The following SLC22A15 variants were observed in gnomAD, a reference collection of about 807,000 sequenced individuals.
SLC22A15 encodes the protein solute carrier family 22 member 15.
A neutral mutation model predicts 62.7 loss-of-function variants in SLC22A15; 45 were observed. That is an observed-to-expected ratio of 0.72 (90% CI 0.56 to 0.92). The LOEUF (loss-of-function observed/expected upper bound fraction) is 0.92, where lower values mean the gene tolerates loss of function less well. SLC22A15 is among the 40% of genes least tolerant of loss of function. The probability of loss-of-function intolerance (pLI) is 0.00; values close to 1 mark genes in which losing one functional copy is unlikely to be tolerated. For missense variants in SLC22A15, 622 were observed against 665.6 expected, an observed-to-expected ratio of 0.93 and a Z score of 0.72; for synonymous variants, 264 against 267.0, an observed-to-expected ratio of 0.99 and a Z score of 0.11.
chr1:115,997,261 T>C (rs1655475851), intron 2 of SLC22A15, among the ~76,000 whole-genome samples: 1 of 152,146 alleles, frequency 6.6e-6, no homozygotes, highest in Non-Finnish European at 1.5e-5. Flanking sequence ...TTGTTGTTGC[T>C]CAGGATGGCT....
intron 4 of SLC22A15, among the ~76,000 whole-genome samples, chr1:116,026,548 T>C (rs542613124): frequency 2.0e-5 from 3 of 152,336 alleles, no homozygotes; most frequent in East Asian, 3.9e-4. Context: ...ATTACCCATA[T>C]GGCAAAAATA....
At chr1:115,994,177 CCCA>C (rs376728877) in intron 2 of SLC22A15, among the ~76,000 whole-genome samples, 3 of 151,814 alleles carry the variant, frequency 2.0e-5, no homozygotes, top group Non-Finnish European at 4.4e-5. Flanking sequence ...AACCACCAGC[CCCA>C]CCACCACCAC....
chr1:116,031,847 G>A, intron 6 of SLC22A15: 1 of 1,289,164 alleles, frequency 7.8e-7, no homozygotes, highest in Non-Finnish European at 9.8e-7. Flanking sequence ...TTGCTTTTGA[G>A]GTATTTATCA....
Position 116,067,029 on chromosome 1 carries a change from A to G in SLC22A15, c.1565A>G (p.Lys522Arg), listed in dbSNP as rs901816211. ...TCTTTCCTGTTTCAGTGTGTGGACA[A>G]GGAGAGCTCTTTAGGGAGTGAGAGT... ...QALDPQQCVDKESSLGSESEE... is the reference protein window; with the variant it reads ...QALDPQQCVDRESSLGSESEE... Residue 522 changes from lysine (K) to arginine (R), a missense_variant, in exon 12 of 12, where the codon AAG becomes AGG. Coordinates refer to ENST00000369503, the MANE Select transcript of SLC22A15 (RefSeq NM_018420.3). 1 of 1,611,774 alleles carries G rather than the reference A, an allele frequency of 6.2e-7. No homozygotes were observed. The highest frequency in any genetic ancestry group is 8.5e-7 in the Non-Finnish European group (1 of 1,178,976).
chr1:116,015,054 G>A (rs966674194), intron 2 of SLC22A15: 2 of 152,140 alleles, frequency 1.3e-5, no homozygotes, highest in African/African-American at 4.8e-5. Flanking sequence ...TATGTGATAC[G>A]TATATCAACA....
At chr1:116,047,816 A>G (rs1442195605) in intron 8 of SLC22A15, among the ~76,000 whole-genome samples, 2 of 152,200 alleles carry the variant, frequency 1.3e-5, no homozygotes, top group South Asian at 4.1e-4. Context: ...GCCCAATGCA[A>G]GGAACTCCAA....
In SLC22A15 at chr1:116,016,170, G is replaced by C. The variant is rs887776891; in HGVS notation, c.301-3412G>C. 2.9e-5 allele frequency among the ~76,000 whole-genome samples: 4 copies of C among 136,086 alleles called. No homozygotes were observed. The South Asian group carries it at 6.9e-4, about 23-fold the overall frequency. 89.3% of individuals were successfully genotyped at this position (136,086 alleles called of 152,430 possible). A position where few individuals can be genotyped will look rare whatever the true frequency, so the allele number is the denominator to read the frequency against. ...TCTCTTCTATCCCTCTCTTCTCTCT[G>C]TTCCCCTCCCCTCCTTTCCCCTCCC... On this transcript the variant is annotated intron_variant, in intron 2 of 11. Transcript: ENST00000369503.
intron 8 of SLC22A15, among the ~76,000 whole-genome samples, chr1:116,050,751 G>A (rs1302882194): frequency 6.6e-6 from 1 of 152,066 alleles, no homozygotes; most frequent in African/African-American, 2.4e-5. Flanking sequence ...AGAAATAAAG[G>A]GCATCCAAAT....
intron 1 of SLC22A15, among the ~76,000 whole-genome samples, chr1:115,978,530 A>G (rs1654437939): frequency 6.6e-6 from 1 of 152,132 alleles, no homozygotes; most frequent in African/African-American, 2.4e-5. Context: ...GGGTGGGAAG[A>G]TGCCCTGTAG....
In SLC22A15 at chr1:116,069,694, A is replaced by G. The variant is rs1658574264; in HGVS notation, c.*2586A>G. 6.6e-6 allele frequency: 1 copy of G among 152,194 alleles called. No individual in the cohort carries two copies. Among genetic ancestry groups the G allele is most frequent in the African/African-American group, 2.4e-5 (1 of 41,458 alleles). 9.4% of individuals were successfully genotyped at this position (152,194 alleles called of 1,614,324 possible). ...ACTTGTTATTTGGCTACTTTCAAGC[A>G]ATGCAGATATTCTTTAGTATTTAAA... On this transcript the variant is annotated 3_prime_UTR_variant, in exon 12 of 12. Transcript: ENST00000369503.
intron 4 of SLC22A15, among the ~76,000 whole-genome samples, chr1:116,022,245 G>T (rs931083643): frequency 6.6e-6 from 1 of 152,122 alleles, no homozygotes; most frequent in Non-Finnish European, 1.5e-5. Flanking sequence ...TCCTAAGCTG[G>T]GATGAGTGAA....
At chr1:116,035,386 C>T (rs970867660) in intron 7 of SLC22A15, 59 bp downstream of exon 7, 16 of 1,425,162 alleles carry the variant, frequency 1.1e-5, no homozygotes, top group Non-Finnish European at 1.2e-5. Context: ...TACACATATG[C>T]CCTCTGATAC....
At chr1:115,997,023 AGT>A (rs1307267957) in intron 2 of SLC22A15, among the ~76,000 whole-genome samples, 5 of 152,058 alleles carry the variant, frequency 3.3e-5, no homozygotes, top group Non-Finnish European at 7.4e-5. Context: ...AAATGGTAAG[AGT>A]GGACATCCTT....
At chr1:116,015,735 A>T (rs1356832200) in intron 2 of SLC22A15, among the ~76,000 whole-genome samples, 1 of 152,206 alleles carries the variant, frequency 6.6e-6, no homozygotes, top group Non-Finnish European at 1.5e-5. Flanking sequence ...AAGCATGAAG[A>T]GACTAAAACA....
chr1:116,031,898 G>T (rs1657420646), intron 6 of SLC22A15: 1 of 1,126,968 alleles, frequency 8.9e-7, no homozygotes, highest in Admixed American at 4.6e-5. Flanking sequence ...TGCAAAAAAG[G>T]AAAGAAAGCA....
At chr1:116,059,512 G>A (rs893087499) in intron 8 of SLC22A15, among the ~76,000 whole-genome samples, 2 of 152,164 alleles carry the variant, frequency 1.3e-5, no homozygotes, top group Admixed American at 1.3e-4. Flanking sequence ...GTCCTACTGT[G>A]CTGAGTGAAA....
chr1:116,003,636 G>C (rs766382129), intron 2 of SLC22A15, among the ~76,000 whole-genome samples: 19 of 152,174 alleles, frequency 1.2e-4, no homozygotes, highest in Non-Finnish European at 2.6e-4. Flanking sequence ...CATTATCACT[G>C]TGCTCTCTGC....
chr1:115,988,303 T>A (rs1039735736), intron 1 of SLC22A15, among the ~76,000 whole-genome samples: 7 of 152,296 alleles, frequency 4.6e-5, no homozygotes, highest in African/African-American at 9.6e-5. Flanking sequence ...GCATGGTAGT[T>A]GTAGATAACA....
At chr1:116,004,443 T>A (rs1213302131) in intron 2 of SLC22A15, among the ~76,000 whole-genome samples, 1 of 152,228 alleles carries the variant, frequency 6.6e-6, no homozygotes, top group Non-Finnish European at 1.5e-5. Context: ...ATACTTTTTC[T>A]ACATCAATTG....
Sources: gnomAD v4.1 joint callset for allele counts (sites outside exome capture counted in the v4.1 genomes callset) on GRCh38, gnomAD v4.1.1 for gene constraint, MANE v1.5 for transcripts, NCBI Gene and HGNC (gene_info 2026-07-23, HGNC 2026-07-21) for gene names.